FYB1: variants seen among roughly 807,000 people sequenced by gnomAD.
FYB1 encodes the protein FYN binding protein 1.
Under a neutral mutation model 94.1 loss-of-function variants are expected in FYB1, and 41 were observed. The observed-to-expected ratio is 0.44, with a 90% CI of 0.34 to 0.57. The LOEUF is 0.57. FYB1 is among the 20% of genes least tolerant of loss of function. The probability of loss-of-function intolerance (pLI) is 0.02; values close to 1 mark genes in which losing one functional copy is unlikely to be tolerated. For missense variants in FYB1, 1,050 were observed against 976.8 expected, an observed-to-expected ratio of 1.07 and a Z score of -1.00; for synonymous variants, 367 against 353.2, an observed-to-expected ratio of 1.04 and a Z score of -0.44.
chr5:39,107,405 G>T lies in FYB1; in HGVS notation c.*38C>A. ...CAATTAAAATCCAGACTTCACATTGGCACCTAATGAACACAGCAGAATGAC... is the reference window on the plus strand; with the variant it reads ...CAATTAAAATCCAGACTTCACATTGTCACCTAATGAACACAGCAGAATGAC... On this transcript the variant is annotated 3_prime_UTR_variant, in exon 19 of 19. Coordinates refer to ENST00000512982, the MANE Select transcript of FYB1 (RefSeq NM_001465.6). The T allele has an allele frequency of 2.8e-6, 4 of 1,443,666 alleles. No homozygotes were observed. Among genetic ancestry groups the T allele is most frequent in the South Asian group, 1.5e-5 (1 of 64,956 alleles). The allele number at this position is 1,443,666 out of a possible 1,614,324, so 89.4% of individuals were successfully genotyped here.
At chr5:39,250,965 T>C (rs1388869286) in intron 1 of FYB1, among the ~76,000 whole-genome samples, 1 of 152,216 alleles carries the variant, frequency 6.6e-6, no homozygotes, top group Admixed American at 6.5e-5. Context: ...ATCTTTAAGA[T>C]GGAATCATGT....
At chr5:39,134,821 A>G in intron 8 of FYB1, 34 bp downstream of exon 8, 1 of 1,610,890 alleles carries the variant, frequency 6.2e-7, no homozygotes, top group Non-Finnish European at 8.5e-7. Context: ...TCGCAAAGAA[A>G]ATACTTCGAA....
intron 16 of FYB1, among the ~76,000 whole-genome samples, chr5:39,111,044 C>T (rs907993016): frequency 6.6e-6 from 1 of 151,800 alleles, no homozygotes; most frequent in Non-Finnish European, 1.5e-5. Flanking sequence ...TTCTATGATG[C>T]CTGGTTAAGT....
intron 2 of FYB1, among the ~76,000 whole-genome samples, chr5:39,165,183 G>A (rs1744606367): frequency 6.6e-6 from 1 of 152,142 alleles, no homozygotes; most frequent in Non-Finnish European, 1.5e-5. Context: ...AGTAGACAAA[G>A]CAATCCTAAA....
At chr5:39,161,612 G>A (rs1207370377) in intron 2 of FYB1, among the ~76,000 whole-genome samples, 1 of 151,008 alleles carries the variant, frequency 6.6e-6, no homozygotes, top group East Asian at 1.9e-4. Context: ...AAATGACAGT[G>A]GAGTTCTCCA....
At chr5:39,175,740 TG>T (rs35067581) in intron 2 of FYB1, among the ~76,000 whole-genome samples, 20,159 of 151,916 alleles carry the variant, frequency 0.13, 2,579 homozygotes, top group East Asian at 0.54. Context: ...TGCCTCCAAA[TG>T]GGGGTAGGCA....
intron 1 of FYB1, among the ~76,000 whole-genome samples, chr5:39,243,395 G>A (rs1751310416): frequency 6.6e-6 from 1 of 151,408 alleles, no homozygotes; most frequent in African/African-American, 2.5e-5. Context: ...TATTAAATAG[G>A]GAATGCTTTC....
intron 15 of FYB1, 95 bp from the exon 16 acceptor site, chr5:39,119,131 A>G (rs1739851468): frequency 3.5e-6 from 2 of 575,906 alleles, no homozygotes; most frequent in Non-Finnish European, 5.5e-6. Context: ...TATTTGCTAA[A>G]GAGATAATTC....
intron 2 of FYB1, among the ~76,000 whole-genome samples, chr5:39,167,689 G>GT (rs1343143459): frequency 3.4e-5 from 5 of 149,100 alleles, no homozygotes; most frequent in Middle Eastern, 6.9e-3. Context: ...CAGGGCAGTG[G>GT]TGGGGGGAAG....
At chr5:39,235,920 C>T (rs1750941382) in intron 1 of FYB1, among the ~76,000 whole-genome samples, 1 of 151,990 alleles carries the variant, frequency 6.6e-6, no homozygotes, top group Non-Finnish European at 1.5e-5. Flanking sequence ...TAGCCACTGA[C>T]CACATTTCAC....
At chr5:39,151,990 C>T (rs1440140946) in intron 3 of FYB1, among the ~76,000 whole-genome samples, 1 of 152,122 alleles carries the variant, frequency 6.6e-6, no homozygotes, top group Non-Finnish European at 1.5e-5. Context: ...TTCTAGCTTC[C>T]CCTTCTTGGG....
intron 1 of FYB1, among the ~76,000 whole-genome samples, chr5:39,248,530 TA>T (rs958190127): frequency 6.6e-6 from 1 of 151,990 alleles, no homozygotes; most frequent in Admixed American, 6.6e-5. Flanking sequence ...CTAAGTGAAA[TA>T]AGCCAATCAC....
chr5:39,235,573 GTTT>G (rs72403365), intron 1 of FYB1, among the ~76,000 whole-genome samples: 151 of 139,934 alleles, frequency 1.1e-3, no homozygotes, highest in African/African-American at 3.5e-3. Context: ...ATCTTTACTT[GTTT>G]TTTTTTTTTT....
intron 1 of FYB1, among the ~76,000 whole-genome samples, chr5:39,231,049 G>C (rs1349313267): frequency 6.7e-6 from 1 of 149,808 alleles, no homozygotes; most frequent in Non-Finnish European, 1.5e-5. Context: ...AGAACAAGGA[G>C]GAAGAAATAA....
chr5:39,189,103 A>T (rs1231657294), intron 2 of FYB1, among the ~76,000 whole-genome samples: 7 of 152,192 alleles, frequency 4.6e-5, no homozygotes, highest in Non-Finnish European at 7.3e-5. Context: ...ATCCATTTAG[A>T]GCTCACAATG....
intron 3 of FYB1, among the ~76,000 whole-genome samples, chr5:39,145,520 TA>T (rs1742567035): frequency 6.6e-6 from 1 of 152,154 alleles, no homozygotes; most frequent in African/African-American, 2.4e-5. Flanking sequence ...TACAAATTAC[TA>T]GATGTATAAA....
chr5:39,185,887 GA>G (rs1324360603), intron 2 of FYB1, among the ~76,000 whole-genome samples: 4 of 151,942 alleles, frequency 2.6e-5, no homozygotes, highest in African/African-American at 9.7e-5. Context: ...ATGAAGCAGG[GA>G]CAGCCGGGCA....
intron 2 of FYB1, among the ~76,000 whole-genome samples, chr5:39,166,310 C>A (rs1744729138): frequency 6.6e-6 from 1 of 152,028 alleles, no homozygotes; most frequent in Admixed American, 6.6e-5. Context: ...GTGGCAGGTG[C>A]CTGTAATCTC....
intron 1 of FYB1, among the ~76,000 whole-genome samples, chr5:39,255,395 T>C (rs1751894076): frequency 6.6e-6 from 1 of 152,044 alleles, no homozygotes; most frequent in Non-Finnish European, 1.5e-5. Context: ...TTTGCATCCT[T>C]GCTTTATCAC....
Sources: allele counts gnomAD v4.1 joint callset (sites outside exome capture counted in the v4.1 genomes callset), GRCh38; gene constraint gnomAD v4.1.1; transcripts MANE v1.5; gene names NCBI Gene and HGNC (gene_info 2026-07-23, HGNC 2026-07-21).